Variants in FMN2 observed in about 807,000 individuals in gnomAD.
FMN2 encodes the protein formin-2.
A neutral mutation model predicts 142.3 loss-of-function variants in FMN2; 51 were observed. The observed-to-expected ratio is 0.36, with a 90% CI of 0.29 to 0.45. The LOEUF is 0.45. Among genes scored for constraint, FMN2 ranks in the 20% least tolerant of loss-of-function variants. FMN2 has a pLI of 1.00. For synonymous variants in FMN2, 882 were observed against 869.8 expected (o/e 1.01, Z -0.25); for missense variants, 1,936 against 2,122.8 (o/e 0.91, Z 1.73).
chr1:240,370,301 G>A (rs1672820419), intron 14 of FMN2, among the ~76,000 whole-genome samples: 1 of 151,566 alleles, frequency 6.6e-6, no homozygotes. Flanking sequence ...TAGTCTTGTT[G>A]AAATTAGAAG....
intron 8 of FMN2, among the ~76,000 whole-genome samples, chr1:240,312,860 G>A (rs1474938126): frequency 6.6e-6 from 1 of 152,090 alleles, no homozygotes; most frequent in Non-Finnish European, 1.5e-5. Context: ...TCAGATCGCT[G>A]CCCTACACAC....
In FMN2 at chr1:240,162,418, C is replaced by T. The variant is rs148157421; in HGVS notation, c.1783-15503C>T. Among the ~76,000 whole-genome samples the T allele has an allele frequency of 7.4e-5, 11 of 149,142 alleles. No individual in the cohort carries two copies. The East Asian group carries it at 2.2e-3, about 30-fold the overall frequency. ...GGCAGAAGTTGCTGTGAACCGAGATCGCACCACTGCACTCTAGCCTGGGTG... is the reference window on the plus strand; with the variant it reads ...GGCAGAAGTTGCTGTGAACCGAGATTGCACCACTGCACTCTAGCCTGGGTG... On this transcript the variant is annotated intron_variant, in intron 2 of 17. Coordinates refer to ENST00000319653, the MANE Select transcript of FMN2 (RefSeq NM_020066.5).
At chr1:240,288,592 GC>G (rs1449538379) in intron 7 of FMN2, among the ~76,000 whole-genome samples, 1 of 152,062 alleles carries the variant, frequency 6.6e-6, no homozygotes, top group Non-Finnish European at 1.5e-5. Flanking sequence ...GAGACTCACG[GC>G]CCTGTGATAT....
intron 7 of FMN2, among the ~76,000 whole-genome samples, chr1:240,278,240 T>A (rs372635921): frequency 6.6e-6 from 1 of 152,136 alleles, no homozygotes; most frequent in East Asian, 1.9e-4. Flanking sequence ...TCAGTTGTCA[T>A]TATCTTGGTC....
intron 16 of FMN2, among the ~76,000 whole-genome samples, chr1:240,459,618 G>A (rs1397368940): frequency 6.7e-6 from 1 of 149,558 alleles, no homozygotes; most frequent in Non-Finnish European, 1.5e-5. Context: ...TCAGGAGGCT[G>A]AGGCAGAAGA....
At chr1:240,439,310 A>G (rs1419940169) in intron 16 of FMN2, among the ~76,000 whole-genome samples, 3 of 151,742 alleles carry the variant, frequency 2.0e-5, no homozygotes, top group Non-Finnish European at 2.9e-5. Context: ...AAAGAGTTAC[A>G]TCCTGAGAAA....
chr1:240,440,492 C>T (rs1572317108), intron 16 of FMN2, among the ~76,000 whole-genome samples: 1 of 147,308 alleles, frequency 6.8e-6, no homozygotes, highest in Middle Eastern at 3.4e-3. Context: ...TCAGCTAGAT[C>T]CATTTTTTTT....
intron 3 of FMN2, among the ~76,000 whole-genome samples, chr1:240,178,288 G>A (rs1362226801): frequency 6.6e-6 from 1 of 152,042 alleles, no homozygotes; most frequent in Non-Finnish European, 1.5e-5. Flanking sequence ...TCAGCCTCAG[G>A]TTTATTTGGA....
At chr1:240,163,988 T>G (rs1664381762) in intron 2 of FMN2, among the ~76,000 whole-genome samples, 1 of 152,140 alleles carries the variant, frequency 6.6e-6, no homozygotes, top group Admixed American at 6.6e-5. Context: ...TCCTCCCACC[T>G]CAGCCTCTCA....
chr1:240,371,554 C>A (rs1048151354), intron 14 of FMN2, among the ~76,000 whole-genome samples: 3 of 152,078 alleles, frequency 2.0e-5, no homozygotes, highest in African/African-American at 7.2e-5. Flanking sequence ...TTTGTTAAAG[C>A]AATTCTGGTA....
intron 16 of FMN2, among the ~76,000 whole-genome samples, chr1:240,467,350 C>T (rs1031996064): frequency 2.0e-5 from 3 of 151,252 alleles, no homozygotes; most frequent in African/African-American, 7.3e-5. Context: ...TCTCGGCTCA[C>T]TGCAACCTCC....
intron 13 of FMN2, among the ~76,000 whole-genome samples, chr1:240,349,224 A>G (rs1672014187): frequency 6.6e-6 from 1 of 152,212 alleles, no homozygotes; most frequent in Non-Finnish European, 1.5e-5. Context: ...AAGTGGCTAC[A>G]ATGGTGTCTG....
chr1:240,361,380 C>T (rs1672477138), intron 14 of FMN2, among the ~76,000 whole-genome samples: 3 of 151,488 alleles, frequency 2.0e-5, no homozygotes, highest in Non-Finnish European at 1.5e-5. Flanking sequence ...ATCAAGGGAT[C>T]GGTGGAGGCA....
At chr1:240,373,873 A>G (rs892928616) in intron 14 of FMN2, among the ~76,000 whole-genome samples, 2 of 152,200 alleles carry the variant, frequency 1.3e-5, no homozygotes, top group African/African-American at 4.8e-5. Flanking sequence ...ATAGTTTTCA[A>G]TTGATTTTGC....
chr1:240,106,232 C>G (rs1033755222), intron 1 of FMN2, among the ~76,000 whole-genome samples: 1 of 152,100 alleles, frequency 6.6e-6, no homozygotes, highest in Admixed American at 6.6e-5. Flanking sequence ...TGATCTTCTT[C>G]CACCTATAAC....
intron 6 of FMN2, among the ~76,000 whole-genome samples, chr1:240,234,665 T>C (rs556851846): frequency 6.2e-4 from 94 of 152,264 alleles, no homozygotes; most frequent in Admixed American, 1.7e-3. Context: ...TACAAATGTG[T>C]GTATCAGCCT....
chr1:240,137,146 A>G (rs1662977690), intron 2 of FMN2, among the ~76,000 whole-genome samples: 1 of 151,090 alleles, frequency 6.6e-6, no homozygotes, highest in Non-Finnish European at 1.5e-5. Context: ...ACATGACTTA[A>G]TTCAGGAGCT....
At chr1:240,116,268 C>T (rs111256235) in intron 1 of FMN2, among the ~76,000 whole-genome samples, 3,977 of 152,254 alleles carry the variant, frequency 0.026, 133 homozygotes, top group African/African-American at 0.082. Flanking sequence ...CCATGCATTC[C>T]GTCCAGGTAT....
intron 8 of FMN2, among the ~76,000 whole-genome samples, chr1:240,299,856 A>C (rs1486517507): frequency 6.6e-6 from 1 of 152,102 alleles, no homozygotes; most frequent in Non-Finnish European, 1.5e-5. Flanking sequence ...TTTTTGGTGC[A>C]CAAAGCGGAA....
Sources: gnomAD v4.1 joint callset for allele counts (sites outside exome capture counted in the v4.1 genomes callset) on GRCh38, gnomAD v4.1.1 for gene constraint, MANE v1.5 for transcripts, NCBI Gene and HGNC (gene_info 2026-07-23, HGNC 2026-07-21) for gene names.